The following TP53I11 variants were observed in gnomAD, a reference collection of about 807,000 sequenced individuals.
TP53I11 encodes tumor protein p53 inducible protein 11.
Under a neutral mutation model 23.3 loss-of-function variants are expected in TP53I11, and 9 were observed. The observed-to-expected ratio is 0.39, with a 90% CI of 0.23 to 0.67. The LOEUF (loss-of-function observed/expected upper bound fraction) is 0.67. TP53I11 is among the 30% of genes least tolerant of loss of function. The probability of loss-of-function intolerance (pLI) is 0.48; values close to 1 mark genes in which losing one functional copy is unlikely to be tolerated. For missense variants in TP53I11, 170 were observed against 255.2 expected (o/e 0.67, Z 2.27); for synonymous variants, 100 against 106.1 (o/e 0.94, Z 0.35).
At chr11:44,935,116 CT>C in intron 6 of TP53I11, 99 bp from the exon 7 acceptor site, 3 of 1,557,286 alleles carry the variant, frequency 1.9e-6, no homozygotes, top group Non-Finnish European at 2.6e-6. Flanking sequence ...GTCTCCCTGA[CT>C]TTGCTCTGAG....
Position 44,935,682 on chromosome 11 carries a change from G to A in TP53I11, c.335-20C>T. The stretch of plus-strand genomic sequence containing the variant: ...AGATGCCTGGGGCGGGGGATGAAAA[G>A]GGGGCTGGGGGTGGGACAGCTGACT... On this transcript the variant is annotated intron_variant, in intron 5 of 6. Transcript: ENST00000525680. 1 of 1,422,232 alleles carries A rather than the reference G, an allele frequency of 7.0e-7. No individual in the cohort carries two copies. Among genetic ancestry groups the A allele is most frequent in the Non-Finnish European group, 9.8e-7 (1 of 1,016,794 alleles). The allele number at this position is 1,422,232 out of a possible 1,614,324, so 88.1% of individuals were successfully genotyped here.
chr11:44,936,867 C>A lies in TP53I11; in HGVS notation c.270G>T (p.Ala90=). 1 of 1,609,286 alleles carries A rather than the reference C, an allele frequency of 6.2e-7. No individual in the cohort carries two copies. Among genetic ancestry groups the A allele is most frequent in the African/African-American group, 1.3e-5 (1 of 74,892 alleles). Residue 90 remains alanine, a synonymous_variant, in exon 5 of 7, where the codon GCG becomes GCT. Transcript: ENST00000525680. The surrounding 1 kb of genome is among the most constrained non-coding windows in gnomAD (Gnocchi z 4.4). ...ALAFPDQLYD[A]VFDGAQVTSK... ...TGGTCACCTGGGCTCCATCAAAGAC[C>A]GCATCATAGAGCTGGTCAGGGAAGG...
chr11:44,937,024 G>A, intron 4 of TP53I11, 125 bp from the exon 5 acceptor site: 1 of 800,038 alleles, frequency 1.2e-6, no homozygotes, highest in Non-Finnish European at 2.0e-6. Context: ...GGGCAGTCCA[G>A]GGTCTGGACC....
rs1861113018 is a variant in TP53I11, at chr11:44,936,422, G to A, written c.334+381C>T. On this transcript the variant is annotated intron_variant, in intron 5 of 6. Coordinates refer to ENST00000525680, the MANE Select transcript of TP53I11 (RefSeq NM_006034.5). This position sits in a 1 kb window ranked among gnomAD's most constrained non-coding sequence, Gnocchi z 4.4. Reference sequence around the variant, plus strand: ...AGTGGTTCAAACAGAAGTGGCTCTGGGGATAAAATAGGGGGGGTGCGAGGG... The same window carrying A: ...AGTGGTTCAAACAGAAGTGGCTCTGAGGATAAAATAGGGGGGGTGCGAGGG... 8.1e-7 allele frequency: 1 copy of A among 1,232,534 alleles called. No individual in the cohort carries two copies. The highest frequency in any genetic ancestry group is 1.6e-5 in the African/African-American group (1 of 64,376). 76.3% of individuals were successfully genotyped at this position (1,232,534 alleles called of 1,614,324 possible).
intron 1 of TP53I11, among the ~76,000 whole-genome samples, chr11:44,942,531 T>C (rs531499535): frequency 6.6e-6 from 1 of 152,222 alleles, no homozygotes; most frequent in South Asian, 2.1e-4. Context: ...AATCAACGGC[T>C]GTGGGACGTG....
chr11:44,942,393 CCA>C (rs1198375250), intron 1 of TP53I11, among the ~76,000 whole-genome samples: 2 of 147,900 alleles, frequency 1.4e-5, no homozygotes, highest in Non-Finnish European at 3.0e-5. Context: ...ACCACACAAA[CCA>C]CAAACACCAC....
chr11:44,947,666 T>G (rs1354343886), intron 1 of TP53I11, among the ~76,000 whole-genome samples: 2 of 152,096 alleles, frequency 1.3e-5, no homozygotes, highest in African/African-American at 4.8e-5. Context: ...AATCCTGGGG[T>G]GCTGGCTTAG....
Position 44,936,090 on chromosome 11 carries a change from C to T in TP53I11, c.335-428G>A, listed in dbSNP as rs755980030. On this transcript the variant is annotated intron_variant, in intron 5 of 6. Coordinates refer to ENST00000525680, the MANE Select transcript of TP53I11 (RefSeq NM_006034.5). The surrounding 1 kb of genome is among the most constrained non-coding windows in gnomAD (Gnocchi z 4.4). ...GACTCCCAGACAGAAAACCTGAGCC[C>T]GGTAAGGACTCGCTTTAAGGAAGTC... The T allele has an allele frequency of 1.8e-5, 8 of 447,304 alleles. No individual in the cohort carries two copies. The highest frequency in any genetic ancestry group is 7.7e-5 in the South Asian group (1 of 12,928). The allele number at this position is 447,304 out of a possible 1,614,324, so 27.7% of individuals were successfully genotyped here.
At chr11:44,935,068 C>A (rs758560902) in intron 6 of TP53I11, 51 bp from the exon 7 acceptor site, 18 of 1,606,778 alleles carry the variant, frequency 1.1e-5, no homozygotes, top group Non-Finnish European at 1.4e-5. Context: ...GGGATGTGTC[C>A]CAGCGCTGCC....
chr11:44,934,962 GAGC>G lies in TP53I11; in HGVS notation c.489_491del (p.Leu165del). ...CGACAAAAAGGAGGCGGCTGACCAG[GAGC>G]AGCAGGATCCCCAGGGACATGAGGC... On this transcript the variant is annotated inframe_deletion, in exon 7 of 7. Transcript: ENST00000525680. The G allele has an allele frequency of 6.2e-7, 1 of 1,614,104 alleles. No individual in the cohort carries two copies. Among genetic ancestry groups the G allele is most frequent in the Non-Finnish European group, 8.5e-7 (1 of 1,180,000 alleles).
chr11:44,936,010 G>A lies in TP53I11; in HGVS notation c.335-348C>T, dbSNP rs1861071312. ...TCTGTCAGGAGGATGCTGTGTTCAT[G>A]GAGTTCATGAGTTAATGGGTTACCT... On this transcript the variant is annotated intron_variant, in intron 5 of 6. Coordinates refer to ENST00000525680, the MANE Select transcript of TP53I11 (RefSeq NM_006034.5). The surrounding 1 kb of genome is among the most constrained non-coding windows in gnomAD (Gnocchi z 4.4). The A allele has an allele frequency of 5.6e-6, 2 of 356,758 alleles. No individual in the cohort carries two copies. The highest frequency in any genetic ancestry group is 1.0e-5 in the Non-Finnish European group (2 of 195,468). 22.1% of individuals were successfully genotyped at this position (356,758 alleles called of 1,614,324 possible).
intron 5 of TP53I11, 50 bp from the exon 6 acceptor site, chr11:44,935,712 C>G: frequency 7.4e-7 from 1 of 1,350,308 alleles, no homozygotes. Context: ...CTGACTCCCT[C>G]CCAGCAGGGC....
rs575256409 is a variant in TP53I11, at chr11:44,938,093, C to T, written c.129+114G>A. On this transcript the variant is annotated intron_variant, in intron 2 of 6. Transcript: ENST00000525680. The stretch of plus-strand genomic sequence containing the variant: ...ATTGCTGTTACATTTCTAGGAAAAT[C>T]AGCTAAGTCCTAGAACTCCTGCGGC... 2.2e-6 allele frequency: 3 copies of T among 1,372,702 alleles called. No individual in the cohort carries two copies. The South Asian group carries it at 4.7e-5, about 21-fold the overall frequency. 85.0% of individuals were successfully genotyped at this position (1,372,702 alleles called of 1,614,324 possible). A position where few individuals can be genotyped will look rare whatever the true frequency, so the allele number is the denominator to read the frequency against.
rs1022680727 is a variant in TP53I11, at chr11:44,934,560, T to C, written c.*324A>G. The stretch of plus-strand genomic sequence containing the variant: ...CCCTCGACTTAGCCCACTACCCTCA[T>C]GACTCCAGCCTGACTTTAGTCAGTG... On this transcript the variant is annotated 3_prime_UTR_variant, in exon 7 of 7. Transcript: ENST00000525680. 1 of 288,224 alleles carries C rather than the reference T, an allele frequency of 3.5e-6. No homozygotes were observed. Among genetic ancestry groups the C allele is most frequent in the Non-Finnish European group, 6.8e-6 (1 of 147,268 alleles). 17.9% of individuals were successfully genotyped at this position (288,224 alleles called of 1,614,324 possible). A position where few individuals can be genotyped will look rare whatever the true frequency, so the allele number is the denominator to read the frequency against.
intron 1 of TP53I11, among the ~76,000 whole-genome samples, chr11:44,942,023 A>ATC (rs776224233): frequency 9.2e-5 from 11 of 119,524 alleles, no homozygotes; most frequent in African/African-American, 2.0e-4. Context: ...CGCCACACAC[A>ATC]CACCACACAC....
intron 1 of TP53I11, among the ~76,000 whole-genome samples, chr11:44,946,337 G>A (rs543767128): frequency 6.6e-6 from 1 of 152,320 alleles, no homozygotes; most frequent in East Asian, 1.9e-4. Flanking sequence ...GCCATCCCTC[G>A]AGAGCATCAT....
rs1565039157 is a variant in TP53I11, at chr11:44,932,547, G to A, written c.*2337C>T. On this transcript the variant is annotated 3_prime_UTR_variant, in exon 7 of 7. Coordinates refer to ENST00000525680, the MANE Select transcript of TP53I11 (RefSeq NM_006034.5). Reference sequence around the variant, plus strand: ...TCCAGGTCACCCCAAACGGAGCGTAGAGCGGGCCCACACCGAGCTTTCCTC... The same window carrying A: ...TCCAGGTCACCCCAAACGGAGCGTAAAGCGGGCCCACACCGAGCTTTCCTC... 1 of 152,258 alleles carries A rather than the reference G, an allele frequency of 6.6e-6. No individual in the cohort carries two copies. The highest frequency in any genetic ancestry group is 1.5e-5 in the Non-Finnish European group (1 of 68,078). 9.4% of individuals were successfully genotyped at this position (152,258 alleles called of 1,614,324 possible).
At chr11:44,947,961 C>T (rs950697117) in intron 1 of TP53I11, among the ~76,000 whole-genome samples, 4 of 152,230 alleles carry the variant, frequency 2.6e-5, no homozygotes, top group African/African-American at 9.6e-5. Context: ...TTGACCAAAT[C>T]TGCCTCAGAG....
chr11:44,943,343 G>A (rs940703868), intron 1 of TP53I11, among the ~76,000 whole-genome samples: 13 of 152,194 alleles, frequency 8.5e-5, no homozygotes, highest in African/African-American at 1.7e-4. Flanking sequence ...AAGGGCCCCC[G>A]GGGGTTTCCC....
Sources: gnomAD v4.1 joint callset for allele counts (sites outside exome capture counted in the v4.1 genomes callset) on GRCh38, gnomAD v4.1.1 for gene constraint, Gnocchi (gnomAD v3.1) non-coding constraint, MANE v1.5 for transcripts, NCBI Gene and HGNC (gene_info 2026-07-23, HGNC 2026-07-21) for gene names.